The following SLC5A1 variants were observed in gnomAD, a reference collection of about 807,000 sequenced individuals.
The protein encoded by SLC5A1 is solute carrier family 5 member 1, also known as sodium/glucose cotransporter 1.
In SLC5A1, 42 loss-of-function variants were observed where a neutral mutation model predicts 73.5. That is an observed-to-expected ratio of 0.57 (90% CI 0.45 to 0.74). SLC5A1 has a LOEUF of 0.74. Ranked by LOEUF, SLC5A1 falls within the 30% of genes least tolerant of loss-of-function variation. The pLI, the probability that SLC5A1 is intolerant of heterozygous loss-of-function variation, is 0.00. For synonymous variants in SLC5A1, 300 were observed against 317.4 expected, an observed-to-expected ratio of 0.95 and a Z score of 0.58; for missense variants, 634 against 855.4, an observed-to-expected ratio of 0.74 and a Z score of 3.23.
At chr22:32,087,241 T>C (rs9606904) in intron 10 of SLC5A1, among the ~76,000 whole-genome samples, 21,913 of 152,238 alleles carry the variant, frequency 0.14, 1,688 homozygotes, top group Non-Finnish European at 0.18. Context: ...GAGTAGATTT[T>C]AACTGTTCTC....
chr22:32,068,780 A>G (rs1029931839), intron 5 of SLC5A1, among the ~76,000 whole-genome samples, 180 bp downstream of exon 5: 1 of 152,014 alleles, frequency 6.6e-6, no homozygotes, highest in Non-Finnish European at 1.5e-5. Flanking sequence ...TTCAATGGAA[A>G]TCTGTCCTCC....
intron 6 of SLC5A1, among the ~76,000 whole-genome samples, chr22:32,082,660 G>T (rs1181692984): frequency 1.4e-4 from 21 of 152,182 alleles, no homozygotes; most frequent in Non-Finnish European, 8.8e-5. Flanking sequence ...AGAACTTGCT[G>T]CTTGACTGCA....
intron 12 of SLC5A1, among the ~76,000 whole-genome samples, chr22:32,100,255 T>C (rs1376581874): frequency 6.6e-6 from 1 of 152,228 alleles, no homozygotes; most frequent in Non-Finnish European, 1.5e-5. Flanking sequence ...CTTTAGGTTT[T>C]TCTAAATATG....
At position 32,111,742 on chromosome 22, in the gene SLC5A1, C is replaced by CTA. The variant is rs1407900001; in HGVS notation, c.*1532_*1533dup. 4 of 152,272 alleles carry CTA rather than the reference C, an allele frequency of 2.6e-5. No homozygotes were observed. Among genetic ancestry groups the CTA allele is most frequent in the Admixed American group, 2.0e-4 (3 of 15,292 alleles). 9.4% of individuals were successfully genotyped at this position (152,272 alleles called of 1,614,324 possible). On this transcript the variant is annotated 3_prime_UTR_variant, in exon 15 of 15. Transcript: ENST00000266088. ...GGACCCTGGCACCTTGACTCTGGTA[C>CTA]TATAGCATGTCAGCAAATACAAGCA...
intron 11 of SLC5A1, among the ~76,000 whole-genome samples, chr22:32,092,342 CTTG>C (rs2094019409): frequency 1.3e-5 from 2 of 152,186 alleles, no homozygotes; most frequent in African/African-American, 4.8e-5. Context: ...TCTTTATCCA[CTTG>C]TTGATTGATG....
intron 2 of SLC5A1, among the ~76,000 whole-genome samples, chr22:32,053,098 G>A (rs879564007): frequency 6.6e-5 from 10 of 152,130 alleles, no homozygotes; most frequent in Non-Finnish European, 1.0e-4. Flanking sequence ...GGACTCCTTG[G>A]TAAAGTTTGG....
At chr22:32,056,102 G>A (rs570781501) in intron 2 of SLC5A1, among the ~76,000 whole-genome samples, 1 of 152,226 alleles carries the variant, frequency 6.6e-6, no homozygotes, top group Admixed American at 6.5e-5. Context: ...ACTTACTATA[G>A]CCTTGATCTC....
Position 32,109,979 on chromosome 22 carries a change from C to T in SLC5A1, c.1772-11C>T, listed in dbSNP as rs764926338. ...TTCTGTGTCCAATAATTCTTCTATGCCTTTGCCCAGAAACACAAGTTCCTG... is the reference window on the plus strand; with the variant it reads ...TTCTGTGTCCAATAATTCTTCTATGTCTTTGCCCAGAAACACAAGTTCCTG... On this transcript the variant is annotated splice_polypyrimidine_tract_variant and intron_variant, in intron 14 of 14. Transcript: ENST00000266088. 1.2e-6 allele frequency: 2 copies of T among 1,610,754 alleles called. No homozygotes were observed. The highest frequency in any genetic ancestry group is 1.7e-6 in the Non-Finnish European group (2 of 1,177,052).
intron 2 of SLC5A1, among the ~76,000 whole-genome samples, chr22:32,060,294 T>G (rs994840817): frequency 1.3e-5 from 2 of 151,876 alleles, no homozygotes; most frequent in South Asian, 4.1e-4. Flanking sequence ...CAGGCTCAAG[T>G]GATTCTCCTG....
chr22:32,051,665 C>A lies in SLC5A1; in HGVS notation c.207+1651C>A, dbSNP rs183735286. 9.2e-5 allele frequency among the ~76,000 whole-genome samples: 14 copies of A among 152,124 alleles called. 1 individual carries two copies. The East Asian group carries it at 2.7e-3, about 29-fold the overall frequency. ...AGTGAGACCCTGTTTCAAACAACAA[C>A]AACAACAACAAAAACCCCAAAAAAC... is the stretch of plus-strand genomic sequence containing the variant. On this transcript the variant is annotated intron_variant, in intron 2 of 14. Coordinates refer to ENST00000266088, the MANE Select transcript of SLC5A1 (RefSeq NM_000343.4).
intron 2 of SLC5A1, among the ~76,000 whole-genome samples, chr22:32,053,011 ATTG>A (rs763070815): frequency 2.6e-5 from 4 of 152,274 alleles, no homozygotes; most frequent in East Asian, 1.9e-4. Context: ...ATAGAGAAAA[ATTG>A]TTGTTGTTTA....
chr22:32,077,576 T>TA, intron 5 of SLC5A1, among the ~76,000 whole-genome samples: 1 of 152,110 alleles, frequency 6.6e-6, no homozygotes, highest in Non-Finnish European at 1.5e-5. Context: ...ATTTTTATGA[T>TA]AAAAAATTTA....
At chr22:32,044,050 G>T (rs1207699596) in intron 1 of SLC5A1, among the ~76,000 whole-genome samples, 2 of 139,002 alleles carry the variant, frequency 1.4e-5, no homozygotes, top group Admixed American at 1.4e-4. Context: ...AGAGGGAAAT[G>T]TGTGTGTCTC....
rs758213926 is a variant in SLC5A1, at chr22:32,043,465, G to A, written c.135+49G>A. 6.2e-7 allele frequency: 1 copy of A among 1,603,716 alleles called. No individual in the cohort carries two copies. Among genetic ancestry groups the A allele is most frequent in the Middle Eastern group, 1.7e-4 (1 of 6,050 alleles). On this transcript the variant is annotated intron_variant, in intron 1 of 14. Coordinates refer to ENST00000266088, the MANE Select transcript of SLC5A1 (RefSeq NM_000343.4). This position sits in a 1 kb window ranked among gnomAD's most constrained non-coding sequence, Gnocchi z 6.5. ...GGGTGGGGAGGGTGCGCACAGAGGA[G>A]GAGCAATGGCCTCGCTGAGCTGCAA...
intron 12 of SLC5A1, among the ~76,000 whole-genome samples, chr22:32,101,520 T>C (rs2094036315): frequency 6.6e-6 from 1 of 152,250 alleles, no homozygotes; most frequent in African/African-American, 2.4e-5. Flanking sequence ...ATTTATATTT[T>C]GATGGAAAAG....
chr22:32,092,476 T>C (rs1412835536), intron 11 of SLC5A1, among the ~76,000 whole-genome samples: 2 of 152,232 alleles, frequency 1.3e-5, no homozygotes, highest in South Asian at 4.1e-4. Flanking sequence ...AGTAGTGGGA[T>C]TGCTGGATCA....
Position 32,099,180 on chromosome 22 carries a change from C to T in SLC5A1, c.1281-3C>T. 6.3e-7 allele frequency: 1 copy of T among 1,583,988 alleles called. No individual in the cohort carries two copies. The highest frequency in any genetic ancestry group is 8.6e-7 in the Non-Finnish European group (1 of 1,164,684). On this transcript the variant is annotated splice_region_variant and splice_polypyrimidine_tract_variant and intron_variant, in intron 11 of 14. Coordinates refer to ENST00000266088, the MANE Select transcript of SLC5A1 (RefSeq NM_000343.4). ...CACCTTGTTGTGGGGGCTTTAATTT[C>T]AGGTTGTTTATCCTGGTGCTGATTG...
intron 1 of SLC5A1, among the ~76,000 whole-genome samples, chr22:32,047,694 G>A (rs1450372839): frequency 6.6e-6 from 1 of 152,174 alleles, no homozygotes. Context: ...AAAGGACTAA[G>A]TTCAATACAT....
At chr22:32,092,702 A>G (rs2094020059) in intron 11 of SLC5A1, among the ~76,000 whole-genome samples, 1 of 152,154 alleles carries the variant, frequency 6.6e-6, no homozygotes. Flanking sequence ...GATTCTGGAT[A>G]TTAGTCCTTT....
Sources: gnomAD v4.1 joint callset for allele counts (sites outside exome capture counted in the v4.1 genomes callset) on GRCh38, gnomAD v4.1.1 for gene constraint, Gnocchi (gnomAD v3.1) non-coding constraint, MANE v1.5 for transcripts, NCBI Gene and HGNC (gene_info 2026-07-23, HGNC 2026-07-21) for gene names.